RSRC1: variants seen among roughly 807,000 people sequenced by gnomAD.
The protein encoded by RSRC1 is arginine and serine rich coiled-coil 1.
RSRC1 carries 39 observed loss-of-function variants against 49.1 expected under a neutral mutation model. The observed-to-expected ratio is 0.79, with a 90% confidence interval of 0.61 to 1.04. The LOEUF is 1.04. Among genes scored for constraint, RSRC1 ranks in the 50% least tolerant of loss-of-function variants. The pLI, the probability that RSRC1 is intolerant of heterozygous loss-of-function variation, is 0.00. For synonymous variants in RSRC1, 143 were observed against 130.8 expected, an observed-to-expected ratio of 1.09 and a Z score of -0.63; for missense variants, 388 against 402.4, an observed-to-expected ratio of 0.96 and a Z score of 0.31.
chr3:158,430,550 C>T (rs1390858160), intron 6 of RSRC1, among the ~76,000 whole-genome samples: 1 of 151,872 alleles, frequency 6.6e-6, no homozygotes, highest in Non-Finnish European at 1.5e-5. Context: ...TTGGAACCAT[C>T]TAAGAGAAAG....
chr3:158,203,317 C>T, intron 4 of RSRC1, 72 bp downstream of exon 4: 1 of 1,468,516 alleles, frequency 6.8e-7, no homozygotes, highest in Non-Finnish European at 9.1e-7. Flanking sequence ...AATTTTTGTT[C>T]TCTGAGGTTT....
At chr3:158,402,645 TGTA>T (rs1290467726) in intron 6 of RSRC1, among the ~76,000 whole-genome samples, 2 of 151,876 alleles carry the variant, frequency 1.3e-5, no homozygotes, top group African/African-American at 4.8e-5. Flanking sequence ...TGTTGCTTAG[TGTA>T]GTCATTCACC....
rs1323008662 is a variant in RSRC1, at chr3:158,539,921, G to A, written c.759+2723G>A. Among the ~76,000 whole-genome samples, 1 of 152,124 alleles carries A rather than the reference G, an allele frequency of 6.6e-6. No homozygotes were observed. The highest frequency in any genetic ancestry group is 2.4e-5 in the African/African-American group (1 of 41,428). ...AATCTTATCTCTGCTACCTGAAGAG[G>A]TGGTATCCACATCTTTGATAACTAG... On this transcript the variant is annotated intron_variant, in intron 8 of 9. Transcript: ENST00000611884. The surrounding 1 kb of genome is among the most constrained non-coding windows in gnomAD (Gnocchi z 4.1).
rs1471481828 is a variant in RSRC1, at chr3:158,151,119, CAA to C, written c.320+27131_320+27132del. Among the ~76,000 whole-genome samples the C allele has an allele frequency of 3.3e-5, 5 of 152,166 alleles. No homozygotes were observed. The South Asian group carries it at 1.0e-3, about 32-fold the overall frequency. The stretch of plus-strand genomic sequence containing the variant: ...AGGTGCATGGCGGAGGCCCCTGCAA[CAA>C]AAGACAGATTAACAAGAGAGAAGCA... On this transcript the variant is annotated intron_variant, in intron 3 of 9. Coordinates refer to ENST00000611884, the MANE Select transcript of RSRC1 (RefSeq NM_001271838.2).
At chr3:158,110,705 C>G (rs1214942389) in intron 1 of RSRC1, 1 of 152,518 alleles carries the variant, frequency 6.6e-6, no homozygotes, top group Admixed American at 6.5e-5. Flanking sequence ...TCCGCCCTAC[C>G]CTTTCTGGCT....
intron 7 of RSRC1, among the ~76,000 whole-genome samples, chr3:158,511,619 G>C (rs1324306438): frequency 6.6e-6 from 1 of 152,062 alleles, no homozygotes; most frequent in Admixed American, 6.6e-5. Flanking sequence ...ATGATTTATA[G>C]TCCTTTGGCT....
intron 7 of RSRC1, among the ~76,000 whole-genome samples, chr3:158,475,048 G>T (rs1216853956): frequency 6.6e-6 from 1 of 152,006 alleles, no homozygotes; most frequent in East Asian, 1.9e-4. Flanking sequence ...TAGAGTAGCT[G>T]GGACGACAGG....
intron 7 of RSRC1, among the ~76,000 whole-genome samples, chr3:158,525,699 TCA>T (rs1191756775): frequency 6.6e-6 from 1 of 151,968 alleles, no homozygotes; most frequent in African/African-American, 2.4e-5. Context: ...TTGCAGATAT[TCA>T]TATAATAGAA....
At chr3:158,297,599 T>C (rs1727307005) in intron 4 of RSRC1, among the ~76,000 whole-genome samples, 2 of 151,878 alleles carry the variant, frequency 1.3e-5, no homozygotes, top group South Asian at 4.1e-4. Context: ...CAACCATTGG[T>C]GGATGGATAT....
chr3:158,495,805 C>T (rs1274335610), intron 7 of RSRC1, among the ~76,000 whole-genome samples: 1 of 152,186 alleles, frequency 6.6e-6, no homozygotes, highest in African/African-American at 2.4e-5. Flanking sequence ...TCAATGGCTG[C>T]GTTTGTGCTG....
rs747126186 is a variant in RSRC1, at chr3:158,228,848, C to CACATACGTGTATATATGTATATAA, written c.494+25606_494+25607insTACGTGTATATATGTATATAAACA. On this transcript the variant is annotated intron_variant, in intron 4 of 9. Coordinates refer to ENST00000611884, the MANE Select transcript of RSRC1 (RefSeq NM_001271838.2). ...ACACGTGTGTATATATGTATATAAA[C>CACATACGTGTATATATGTATATAA]ACACATACGTGTATATATGTATATA... Among the ~76,000 whole-genome samples the CACATACGTGTATATATGTATATAA allele has an allele frequency of 1.7e-4, 14 of 81,644 alleles. 1 individual carries two copies. The highest frequency in any genetic ancestry group is 5.0e-4 in the Admixed American group (4 of 8,058). 53.6% of individuals were successfully genotyped at this position (81,644 alleles called of 152,430 possible). A position where few individuals can be genotyped will look rare whatever the true frequency, so the allele number is the denominator to read the frequency against.
intron 5 of RSRC1, among the ~76,000 whole-genome samples, chr3:158,340,358 T>C (rs374928802): frequency 2.6e-5 from 4 of 152,210 alleles, no homozygotes. Context: ...CTGCCCAATA[T>C]GGTGAAACCC....
chr3:158,207,662 T>TAGATAGACAGAC (rs55689613), intron 4 of RSRC1, among the ~76,000 whole-genome samples: 8 of 148,946 alleles, frequency 5.4e-5, no homozygotes, highest in African/African-American at 1.2e-4. Context: ...GATAGATAGA[T>TAGATAGACAGAC]AGACAGAGAG....
chr3:158,362,158 G>A (rs919467252), intron 6 of RSRC1, among the ~76,000 whole-genome samples: 1 of 152,082 alleles, frequency 6.6e-6, no homozygotes, highest in African/African-American at 2.4e-5. Flanking sequence ...AGGCAACATG[G>A]TAAAACCCTG....
chr3:158,127,617 G>A (rs1031101239), intron 3 of RSRC1, among the ~76,000 whole-genome samples: 1 of 151,456 alleles, frequency 6.6e-6, no homozygotes. Context: ...TTCTTTTTTG[G>A]ATCATTGAGC....
intron 4 of RSRC1, among the ~76,000 whole-genome samples, chr3:158,236,738 T>C (rs1056472784): frequency 1.3e-5 from 2 of 152,148 alleles, no homozygotes; most frequent in African/African-American, 4.8e-5. Flanking sequence ...ATAAAATATG[T>C]AGAGATGTTG....
chr3:158,335,038 C>A (rs1729806410), intron 5 of RSRC1, among the ~76,000 whole-genome samples: 1 of 152,076 alleles, frequency 6.6e-6, no homozygotes, highest in Non-Finnish European at 1.5e-5. Context: ...ATGCTGTTTC[C>A]TTTCCAAATC....
chr3:158,405,780 G>A (rs1410802166), intron 6 of RSRC1, among the ~76,000 whole-genome samples: 1 of 152,078 alleles, frequency 6.6e-6, no homozygotes, highest in African/African-American at 2.4e-5. Flanking sequence ...ATGTAGAATG[G>A]GAAGAAGGCA....
intron 4 of RSRC1, among the ~76,000 whole-genome samples, chr3:158,268,549 T>C (rs896855395): frequency 2.0e-5 from 3 of 152,114 alleles, no homozygotes; most frequent in African/African-American, 7.2e-5. Flanking sequence ...GCCATAGGAG[T>C]GTCCCAACAC....
Sources: gnomAD v4.1 joint callset for allele counts (sites outside exome capture counted in the v4.1 genomes callset) on GRCh38, gnomAD v4.1.1 for gene constraint, Gnocchi (gnomAD v3.1) non-coding constraint, MANE v1.5 for transcripts, NCBI Gene and HGNC (gene_info 2026-07-23, HGNC 2026-07-21) for gene names.